The following CADPS2 variants were observed in gnomAD, a reference collection of about 807,000 sequenced individuals.
The protein encoded by CADPS2 is calcium dependent secretion activator 2.
CADPS2 carries 93 observed loss-of-function variants against 172.5 expected under a neutral mutation model. The observed-to-expected ratio is 0.54, with a 90% CI of 0.46 to 0.64. The LOEUF (loss-of-function observed/expected upper bound fraction) is 0.64. CADPS2 is among the 30% of genes least tolerant of loss of function. The pLI is 0.00. For missense variants in CADPS2, 1,420 were observed against 1,565.9 expected, an observed-to-expected ratio of 0.91 and a Z score of 1.57; for synonymous variants, 546 against 555.2, an observed-to-expected ratio of 0.98 and a Z score of 0.23.
intron 3 of CADPS2, among the ~76,000 whole-genome samples, chr7:122,654,369 A>G (rs2079506988): frequency 6.6e-6 from 1 of 152,234 alleles, no homozygotes; most frequent in Non-Finnish European, 1.5e-5. Flanking sequence ...GCTACTGAGA[A>G]GAAGTCAATG....
At chr7:122,883,029 A>T (rs1291543761) in intron 1 of CADPS2, among the ~76,000 whole-genome samples, 1 of 152,214 alleles carries the variant, frequency 6.6e-6, no homozygotes, top group Non-Finnish European at 1.5e-5. Context: ...CTTGAATGTC[A>T]TAAACTGACC....
intron 25 of CADPS2, among the ~76,000 whole-genome samples, chr7:122,371,189 G>A (rs535208318): frequency 1.4e-4 from 22 of 152,256 alleles, no homozygotes; most frequent in Admixed American, 3.3e-4. Context: ...ATGAAGCATC[G>A]GCAATAAATG....
chr7:122,437,964 TA>T (rs1222958363), intron 17 of CADPS2, among the ~76,000 whole-genome samples: 2 of 151,966 alleles, frequency 1.3e-5, no homozygotes, highest in Non-Finnish European at 2.9e-5. Flanking sequence ...GAACAGAAAA[TA>T]AAATTACATA....
chr7:122,734,356 TAAAAAAAAAAAAAAAAAA>T (rs558421546), intron 2 of CADPS2, among the ~76,000 whole-genome samples: 2 of 46,278 alleles, frequency 4.3e-5, no homozygotes, highest in Admixed American at 3.9e-4. Context: ...CCAGAAATAG[TAAAAAAAAAAAAAAAAAA>T]AAAAAAAAAA....
intron 2 of CADPS2, among the ~76,000 whole-genome samples, chr7:122,726,449 G>A (rs1358354776): frequency 6.6e-6 from 1 of 151,922 alleles, no homozygotes; most frequent in Non-Finnish European, 1.5e-5. Context: ...CTTTAAATAT[G>A]TCAAGGTGAA....
At chr7:122,821,259 A>G (rs923865776) in intron 1 of CADPS2, among the ~76,000 whole-genome samples, 26 of 152,120 alleles carry the variant, frequency 1.7e-4, no homozygotes, top group African/African-American at 4.1e-4. Context: ...AGGCCTAATC[A>G]CCACACACCA....
chr7:122,544,126 A>C (rs1465100965), intron 8 of CADPS2, among the ~76,000 whole-genome samples: 2 of 152,184 alleles, frequency 1.3e-5, no homozygotes, highest in Non-Finnish European at 2.9e-5. Flanking sequence ...AGACATGTAC[A>C]AGAATGTTCA....
At chr7:122,755,232 T>A (rs1381810689) in intron 1 of CADPS2, among the ~76,000 whole-genome samples, 1 of 152,208 alleles carries the variant, frequency 6.6e-6, no homozygotes, top group Non-Finnish European at 1.5e-5. Context: ...CATTATCAAG[T>A]TATGCCAAGG....
At chr7:122,821,882 G>A (rs1321865749) in intron 1 of CADPS2, among the ~76,000 whole-genome samples, 1 of 151,552 alleles carries the variant, frequency 6.6e-6, no homozygotes, top group Admixed American at 6.6e-5. Flanking sequence ...GAATGCTACA[G>A]GGTACAGCCC....
At chr7:122,545,525 A>T (rs2063535478) in intron 8 of CADPS2, among the ~76,000 whole-genome samples, 1 of 152,154 alleles carries the variant, frequency 6.6e-6, no homozygotes, top group Admixed American at 6.6e-5. Context: ...CTAATCCCAC[A>T]GGCACTTGGG....
At chr7:122,624,758 C>T (rs1011353596) in intron 4 of CADPS2, among the ~76,000 whole-genome samples, 1 of 152,132 alleles carries the variant, frequency 6.6e-6, no homozygotes, top group Non-Finnish European at 1.5e-5. Context: ...AATATGCCAG[C>T]ATGTAAGACT....
intron 9 of CADPS2, among the ~76,000 whole-genome samples, chr7:122,494,394 T>C (rs2058568226): frequency 6.6e-6 from 1 of 152,170 alleles, no homozygotes; most frequent in African/African-American, 2.4e-5. Context: ...AAATATATTA[T>C]GGCATGACTA....
At chr7:122,626,389 T>A (rs2134105195) in intron 4 of CADPS2, among the ~76,000 whole-genome samples, 1 of 152,252 alleles carries the variant, frequency 6.6e-6, no homozygotes, top group South Asian at 2.1e-4. Flanking sequence ...AAGGTAAAGA[T>A]AAAGGATTTC....
At chr7:122,408,415 G>C (rs1374151067) in intron 19 of CADPS2, among the ~76,000 whole-genome samples, 1 of 152,030 alleles carries the variant, frequency 6.6e-6, no homozygotes, top group Non-Finnish European at 1.5e-5. Context: ...CCATTCAGCA[G>C]CCAGTCATCA....
intron 1 of CADPS2, among the ~76,000 whole-genome samples, chr7:122,881,812 G>A (rs1340869195): frequency 6.6e-6 from 1 of 152,070 alleles, no homozygotes; most frequent in Non-Finnish European, 1.5e-5. Flanking sequence ...CTTTCTTTAG[G>A]GGAATAAGGT....
rs191769897 is a variant in CADPS2, at chr7:122,739,885, G to A, written c.340-2817C>T. ...GTGGAACAGATCGAAGAAACAGACCGAAATACAATCAGAAATGTACTATAA... is the reference window on the plus strand; with the variant it reads ...GTGGAACAGATCGAAGAAACAGACCAAAATACAATCAGAAATGTACTATAA... On this transcript the variant is annotated intron_variant, in intron 1 of 29. Transcript: ENST00000449022. Among the ~76,000 whole-genome samples the A allele has an allele frequency of 5.3e-5, 8 of 152,134 alleles. No individual in the cohort carries two copies. In the East Asian group the frequency reaches 5.8e-4, roughly 11 times the overall value.
At chr7:122,572,867 T>C (rs117092802) in intron 7 of CADPS2, among the ~76,000 whole-genome samples, 1 of 152,298 alleles carries the variant, frequency 6.6e-6, no homozygotes, top group East Asian at 1.9e-4. Flanking sequence ...CCTTAGCACC[T>C]GGTGGAGGGT....
At chr7:122,656,228 T>C (rs888236590) in intron 3 of CADPS2, among the ~76,000 whole-genome samples, 1 of 152,082 alleles carries the variant, frequency 6.6e-6, no homozygotes, top group African/African-American at 2.4e-5. Flanking sequence ...CACAAAGTTC[T>C]AATAGTGAGG....
At chr7:122,565,793 C>T (rs2066388818) in intron 7 of CADPS2, among the ~76,000 whole-genome samples, 1 of 152,278 alleles carries the variant, frequency 6.6e-6, no homozygotes, top group South Asian at 2.1e-4. Flanking sequence ...GTACTGAGAA[C>T]ATTTAAGATA....
Sources: gnomAD v4.1 joint callset for allele counts (sites outside exome capture counted in the v4.1 genomes callset) on GRCh38, gnomAD v4.1.1 for gene constraint, MANE v1.5 for transcripts, NCBI Gene and HGNC (gene_info 2026-07-23, HGNC 2026-07-21) for gene names.